Variants in PDE4C observed in about 807,000 individuals in gnomAD.
PDE4C encodes the protein phosphodiesterase 4C.
A neutral mutation model predicts 63.9 loss-of-function variants in PDE4C; 50 were observed. The ratio of observed to expected loss-of-function variants is 0.78; its 90% CI spans 0.62 to 0.99. The LOEUF (loss-of-function observed/expected upper bound fraction) is 0.99, where lower values mean the gene tolerates loss of function less well. Among genes scored for constraint, PDE4C ranks in the 50% least tolerant of loss-of-function variants. The pLI is 0.00. For synonymous variants in PDE4C, 377 were observed against 385.1 expected, an observed-to-expected ratio of 0.98 and a Z score of 0.25; for missense variants, 777 against 899.1, an observed-to-expected ratio of 0.86 and a Z score of 1.74.
chr19:18,221,343 G>A (rs1202040198), intron 2 of PDE4C, 46 bp from the exon 3 acceptor site: 1 of 1,528,410 alleles, frequency 6.5e-7, no homozygotes, highest in African/African-American at 1.4e-5. Context: ...CCATCTTCCA[G>A]CTTTTTACCC....
In PDE4C at chr19:18,219,231, C is replaced by T. The variant is rs1968352857; in HGVS notation, c.870+3G>A. 1 of 1,614,142 alleles carries T rather than the reference C, an allele frequency of 6.2e-7. No individual in the cohort carries two copies. Among genetic ancestry groups the T allele is most frequent in the Non-Finnish European group, 8.5e-7 (1 of 1,180,044 alleles). On this transcript the variant is annotated splice_donor_region_variant and intron_variant, in intron 8 of 14. Transcript: ENST00000262805. ...GATCTTGGCATTGTGGTTGGGGACC[C>T]ACCTTGGCCAGTTGCTCCTCCTGGT...
At chr19:18,211,603 G>T in intron 14 of PDE4C, 156 bp downstream of exon 14, 1 of 781,090 alleles carries the variant, frequency 1.3e-6, no homozygotes, top group Admixed American at 2.5e-5. Context: ...GAAGCCCAGA[G>T]AGAATGGATC....
At chr19:18,232,745 C>T (rs1014040120) in intron 1 of PDE4C, among the ~76,000 whole-genome samples, 1 of 152,152 alleles carries the variant, frequency 6.6e-6, no homozygotes, top group Non-Finnish European at 1.5e-5. Flanking sequence ...TGGGCACACC[C>T]GGTCACACAG....
chr19:18,219,108 C>G (rs1968346004), intron 8 of PDE4C, 70 bp from the exon 9 acceptor site: 1 of 1,573,988 alleles, frequency 6.4e-7, no homozygotes, highest in Non-Finnish European at 8.7e-7. Flanking sequence ...CCTCCATCCT[C>G]CCACCCCAGG....
At chr19:18,222,255 C>T in exon 2 of PDE4C, 1 of 1,614,040 alleles carries the variant, frequency 6.2e-7, no homozygotes, top group Non-Finnish European at 8.5e-7. Flanking sequence ...CATAATCCGG[C>T]CCAGGCCAGG....
Position 18,218,326 on chromosome 19 carries a change from C to A in PDE4C, c.1134+8G>T. ...CCCGCCCACCTGCCTGCAGTCATGGCGCAGTACCTCGAGGGCGGGCGTAGC... is the reference window on the plus strand; with the variant it reads ...CCCGCCCACCTGCCTGCAGTCATGGAGCAGTACCTCGAGGGCGGGCGTAGC... On this transcript the variant is annotated splice_region_variant and intron_variant, in intron 10 of 14. Coordinates refer to ENST00000262805, the Ensembl canonical transcript of PDE4C. 1 of 1,614,124 alleles carries A rather than the reference C, an allele frequency of 6.2e-7. No homozygotes were observed. The highest frequency in any genetic ancestry group is 8.5e-7 in the Non-Finnish European group (1 of 1,180,004).
At chr19:18,226,681 T>C (rs1490607351), upstream of PDE4C, among the ~76,000 whole-genome samples, 1 of 148,590 alleles carries the variant, frequency 6.7e-6, no homozygotes, top group Non-Finnish European at 1.5e-5. Flanking sequence ...TCCTAGCTCA[T>C]TGCAGCCTCA....
chr19:18,233,008 T>A, exon 1 of PDE4C: 1 of 1,528,424 alleles, frequency 6.5e-7, no homozygotes, highest in Non-Finnish European at 8.8e-7. Context: ...GGCCGCGGGC[T>A]CAGGTCCCTC....
chr19:18,232,929 G>T (rs1265359789), intron 1 of PDE4C: 5 of 1,427,176 alleles, frequency 3.5e-6, no homozygotes, highest in Non-Finnish European at 4.6e-6. Context: ...GCTGCAGGAG[G>T]CCCCTGCCCC....
chr19:18,212,004 C>T, intron 13 of PDE4C, 63 bp from the exon 14 acceptor site: 1 of 1,525,978 alleles, frequency 6.6e-7, no homozygotes, highest in South Asian at 1.1e-5. Flanking sequence ...CCTGGCACCT[C>T]CACAGACAGG....
chr19:18,248,268 T>G, upstream of PDE4C: 1 of 454,964 alleles, frequency 2.2e-6, no homozygotes, highest in South Asian at 1.6e-5. Context: ...CAGGGCTCCC[T>G]CAACACCCAC....
At chr19:18,251,211 C>T (rs565662407), upstream of PDE4C, among the ~76,000 whole-genome samples, 2 of 150,760 alleles carry the variant, frequency 1.3e-5, no homozygotes, top group Non-Finnish European at 3.0e-5. Context: ...CTCCAACCTC[C>T]GCCTCCTGGG....
chr19:18,226,288 G>A, exon 1 of PDE4C: 1 of 1,566,556 alleles, frequency 6.4e-7, no homozygotes, highest in Non-Finnish European at 8.6e-7. Flanking sequence ...ATGGGCCACC[G>A]TGAAGCGCCG....
chr19:18,233,414 CA>C (rs1968893284), exon 1 of PDE4C: 2 of 710,736 alleles, frequency 2.8e-6, no homozygotes, highest in East Asian at 2.7e-5. Flanking sequence ...AAGGGTAGAA[CA>C]GGGGAGAAGA....
intron 12 of PDE4C, among the ~76,000 whole-genome samples, chr19:18,214,588 C>A (rs1026950804): frequency 5.9e-5 from 9 of 152,052 alleles, no homozygotes; most frequent in Non-Finnish European, 1.2e-4. Context: ...TGACTTCATA[C>A]CCCTCAAACT....
upstream of PDE4C, among the ~76,000 whole-genome samples, chr19:18,234,906 C>A (rs963076508): frequency 1.3e-5 from 2 of 152,178 alleles, no homozygotes; most frequent in African/African-American, 2.4e-5. Context: ...TCTCCACCCC[C>A]CCACCACTCC....
At chr19:18,211,617 G>A (rs968499531) in intron 14 of PDE4C, 142 bp downstream of exon 14, 1 of 866,596 alleles carries the variant, frequency 1.2e-6, no homozygotes, top group South Asian at 1.6e-5. Context: ...ATGGATCCCA[G>A]GTCTAACTCG....
intron 12 of PDE4C, among the ~76,000 whole-genome samples, chr19:18,216,401 A>T (rs1345191292): frequency 2.0e-5 from 3 of 151,906 alleles, no homozygotes; most frequent in East Asian, 3.9e-4. Context: ...CAGTCTCCCA[A>T]GTAGCTGGGA....
chr19:18,221,732 C>T (rs1045604018), intron 2 of PDE4C, among the ~76,000 whole-genome samples: 2 of 152,154 alleles, frequency 1.3e-5, no homozygotes, highest in African/African-American at 4.8e-5. Flanking sequence ...TCAAGCGATT[C>T]TCGTGCCTCA....
Sources: gnomAD v4.1 joint callset for allele counts (sites outside exome capture counted in the v4.1 genomes callset) on GRCh38, gnomAD v4.1.1 for gene constraint, MANE v1.5 for transcripts, NCBI Gene and HGNC (gene_info 2026-07-23, HGNC 2026-07-21) for gene names.